Variants in OCA2 observed in about 807,000 individuals in gnomAD.
The protein encoded by OCA2 is OCA2 melanosomal transmembrane protein.
A neutral mutation model predicts 100.2 loss-of-function variants in OCA2; 77 were observed. That is an observed-to-expected ratio of 0.77 (90% CI 0.64 to 0.93). The LOEUF (loss-of-function observed/expected upper bound fraction) is 0.93. Among genes scored for constraint, OCA2 ranks in the 40% least tolerant of loss-of-function variants. The pLI, the probability that OCA2 is intolerant of heterozygous loss-of-function variation, is 0.00. For missense variants in OCA2, 1,062 were observed against 1,089.1 expected, an observed-to-expected ratio of 0.98 and a Z score of 0.35; for synonymous variants, 432 against 439.2, an observed-to-expected ratio of 0.98 and a Z score of 0.21.
intron 23 of OCA2, among the ~76,000 whole-genome samples, chr15:27,801,084 A>C (rs2033585334): frequency 6.6e-6 from 1 of 152,224 alleles, no homozygotes; most frequent in South Asian, 2.1e-4. Context: ...TAGTAATTTT[A>C]CACAAACTCT....
chr15:28,057,019 G>T (rs536003692), intron 2 of OCA2, among the ~76,000 whole-genome samples: 1 of 152,330 alleles, frequency 6.6e-6, no homozygotes, highest in South Asian at 2.1e-4. Context: ...TTTCTAGAAA[G>T]GGAGGGCCCA....
At chr15:27,960,607 T>G (rs2040375755) in intron 15 of OCA2, among the ~76,000 whole-genome samples, 1 of 152,090 alleles carries the variant, frequency 6.6e-6, no homozygotes, top group Non-Finnish European at 1.5e-5. Context: ...TATCTATCTA[T>G]CTATCTATCT....
At chr15:27,850,063 A>T (rs2035689527) in intron 22 of OCA2, among the ~76,000 whole-genome samples, 1 of 152,142 alleles carries the variant, frequency 6.6e-6, no homozygotes, top group African/African-American at 2.4e-5. Context: ...CTATTTTAGG[A>T]ATTAGCCTAT....
intron 3 of OCA2, among the ~76,000 whole-genome samples, chr15:28,030,369 C>T (rs2141367712): frequency 6.6e-6 from 1 of 152,200 alleles, no homozygotes; most frequent in African/African-American, 2.4e-5. Flanking sequence ...AGCACTGACT[C>T]TTGGTGGGTG....
At chr15:27,814,949 GAGATAT>G (rs773804063) in intron 23 of OCA2, among the ~76,000 whole-genome samples, 1 of 127,126 alleles carries the variant, frequency 7.9e-6, no homozygotes, top group South Asian at 2.7e-4. Flanking sequence ...GATAGATACA[GAGATAT>G]ATATATATAT....
At chr15:28,015,207 A>G (rs536530618) in intron 8 of OCA2, among the ~76,000 whole-genome samples, 31 of 152,246 alleles carry the variant, frequency 2.0e-4, no homozygotes, top group Non-Finnish European at 4.1e-4. Context: ...GACGCCAGCC[A>G]TTGAACTGGC....
intron 21 of OCA2, among the ~76,000 whole-genome samples, chr15:27,851,833 T>C (rs1345866210): frequency 2.6e-5 from 4 of 152,170 alleles, no homozygotes; most frequent in African/African-American, 9.7e-5. Flanking sequence ...ACACGTCATC[T>C]TGAATCCTCA....
chr15:27,974,681 T>C (rs1285213784), intron 14 of OCA2, among the ~76,000 whole-genome samples: 1 of 152,146 alleles, frequency 6.6e-6, no homozygotes, highest in African/African-American at 2.4e-5. Flanking sequence ...GGCAGGAGAA[T>C]TGCTTGAACC....
intron 19 of OCA2, among the ~76,000 whole-genome samples, chr15:27,902,680 G>A (rs1297555181): frequency 6.6e-6 from 1 of 152,170 alleles, no homozygotes. Context: ...AGTGTGAAGT[G>A]CCACCAGGGA....
At chr15:27,726,498 G>A in the OCA2 span, among the ~76,000 whole-genome samples, 1 of 152,294 alleles carries the variant, frequency 6.6e-6, no homozygotes, top group East Asian at 1.9e-4. Flanking sequence ...CGGTTGTACT[G>A]TAATGGAACC....
intron 18 of OCA2, among the ~76,000 whole-genome samples, chr15:27,938,845 T>A (rs1233601091): frequency 1.3e-5 from 2 of 152,148 alleles, no homozygotes; most frequent in East Asian, 3.9e-4. Context: ...TCAAGTATGG[T>A]CTCTGTGGCC....
chr15:27,961,192 G>GA (rs940773771), intron 15 of OCA2, among the ~76,000 whole-genome samples: 14 of 152,052 alleles, frequency 9.2e-5, no homozygotes, highest in Admixed American at 1.3e-4. Flanking sequence ...ACAAACATAT[G>GA]AAAAAAAGCT....
intron 1 of OCA2, among the ~76,000 whole-genome samples, chr15:28,083,450 C>T (rs891911507): frequency 1.3e-5 from 2 of 152,164 alleles, no homozygotes; most frequent in Admixed American, 6.5e-5. Context: ...CAGGCCATGT[C>T]GGCAGAATGT....
At chr15:27,809,514 A>T (rs1289697550) in intron 23 of OCA2, among the ~76,000 whole-genome samples, 2 of 152,244 alleles carry the variant, frequency 1.3e-5, no homozygotes, top group South Asian at 2.1e-4. Context: ...TGGAAGTAAT[A>T]GCCAGAGCAA....
intron 18 of OCA2, among the ~76,000 whole-genome samples, chr15:27,933,746 G>C (rs2140435910): frequency 6.6e-6 from 1 of 152,250 alleles, no homozygotes; most frequent in African/African-American, 2.4e-5. Flanking sequence ...CCATCAGTTG[G>C]GACAGCGCAG....
At chr15:27,836,638 T>A (rs1035823746) in intron 23 of OCA2, among the ~76,000 whole-genome samples, 1 of 152,176 alleles carries the variant, frequency 6.6e-6, no homozygotes, top group African/African-American at 2.4e-5. Flanking sequence ...TAGCAACTGT[T>A]TTGACCTTTG....
chr15:28,091,766 G>T (rs2044873600), intron 1 of OCA2, among the ~76,000 whole-genome samples: 1 of 152,046 alleles, frequency 6.6e-6, no homozygotes, highest in Admixed American at 6.6e-5. Context: ...GACCAGCCTG[G>T]CCAACACGGC....
At chr15:27,826,448 C>G (rs1366523766) in intron 23 of OCA2, among the ~76,000 whole-genome samples, 1 of 152,154 alleles carries the variant, frequency 6.6e-6, no homozygotes, top group African/African-American at 2.4e-5. Flanking sequence ...ACTCCCACAG[C>G]CAACTGTGCC....
At chr15:27,990,464 G>T in intron 10 of OCA2, 112 bp downstream of exon 10, 1 of 1,047,332 alleles carries the variant, frequency 9.5e-7, no homozygotes, top group Non-Finnish European at 1.5e-6. Flanking sequence ...GCAAAAACAT[G>T]GACGTGGCAT....
Sources: allele counts gnomAD v4.1 joint callset (sites outside exome capture counted in the v4.1 genomes callset), GRCh38; gene constraint gnomAD v4.1.1; transcripts MANE v1.5; gene names NCBI Gene and HGNC (gene_info 2026-07-23, HGNC 2026-07-21).